Variants in PSME3IP1 observed in about 807,000 individuals in gnomAD.
The protein encoded by PSME3IP1 is PSME3-interacting protein.
In PSME3IP1, 13 loss-of-function variants were observed where a neutral mutation model predicts 34.1. That is an observed-to-expected ratio of 0.38 (90% CI 0.25 to 0.61). The LOEUF (loss-of-function observed/expected upper bound fraction) is 0.61. Among genes scored for constraint, PSME3IP1 ranks in the 20% least tolerant of loss-of-function variants. The probability of loss-of-function intolerance (pLI) is 0.60; values close to 1 mark genes in which losing one functional copy is unlikely to be tolerated. For synonymous variants in PSME3IP1, 93 were observed against 114.3 expected, an observed-to-expected ratio of 0.81 and a Z score of 1.19; for missense variants, 237 against 301.4, an observed-to-expected ratio of 0.79 and a Z score of 1.58.
intron 6 of PSME3IP1, among the ~76,000 whole-genome samples, chr16:57,163,176 A>G (rs1054092859): frequency 4.6e-5 from 7 of 152,158 alleles, no homozygotes; most frequent in Admixed American, 3.3e-4. Flanking sequence ...AAAAAAAGAA[A>G]AAAAAAAGTA....
At chr16:57,160,043 C>G (rs1031468574) in intron 6 of PSME3IP1, among the ~76,000 whole-genome samples, 2 of 152,140 alleles carry the variant, frequency 1.3e-5, no homozygotes, top group African/African-American at 2.4e-5. Context: ...GAAAAATATT[C>G]CCTTTGGGAG....
intron 6 of PSME3IP1, among the ~76,000 whole-genome samples, chr16:57,157,621 CT>C (rs113281367): frequency 7.8e-4 from 112 of 143,250 alleles, no homozygotes; most frequent in Non-Finnish European, 6.6e-4. Flanking sequence ...TCTTTTTTTT[CT>C]TTTTTTTTTT....
intron 3 of PSME3IP1, 35 bp from the exon 4 acceptor site, chr16:57,172,407 G>T (rs768100731): frequency 3.8e-6 from 6 of 1,592,642 alleles, no homozygotes; most frequent in Non-Finnish European, 5.1e-6. Flanking sequence ...CACTTAGCAG[G>T]CTAAAGGGAA....
In PSME3IP1 at chr16:57,154,237, T is replaced by C; in HGVS notation, c.*53A>G. ...AGGGACATAATGCCTATAGGCAGCA[T>C]GAACGGTCCGATCTACCCTTGGGGA... On this transcript the variant is annotated 3_prime_UTR_variant, in exon 7 of 7. Transcript: ENST00000309137. This position sits in a 1 kb window ranked among gnomAD's most constrained non-coding sequence, Gnocchi z 4.0. 8.5e-6 allele frequency: 13 copies of C among 1,530,920 alleles called. No homozygotes were observed. The highest frequency in any genetic ancestry group is 1.2e-5 in the Non-Finnish European group (13 of 1,106,734). 94.8% of individuals were successfully genotyped at this position (1,530,920 alleles called of 1,614,324 possible).
chr16:57,178,426 C>T, intron 1 of PSME3IP1: 2 of 442,248 alleles, frequency 4.5e-6, no homozygotes, highest in Non-Finnish European at 3.0e-6. Context: ...GTGACTGTTC[C>T]AACAGCTCTT....
At chr16:57,174,000 T>C (rs573139747) in intron 1 of PSME3IP1, 131 bp from the exon 2 acceptor site, 387 of 1,018,724 alleles carry the variant, frequency 3.8e-4, no homozygotes, top group Admixed American at 6.6e-4. Context: ...CAACTTTGAA[T>C]TGAAAAAATT....
chr16:57,153,422 C>T lies in PSME3IP1; in HGVS notation c.*868G>A, dbSNP rs2070151689. On this transcript the variant is annotated 3_prime_UTR_variant, in exon 7 of 7. Coordinates refer to ENST00000309137, the MANE Select transcript of PSME3IP1 (RefSeq NM_024946.4). The stretch of plus-strand genomic sequence containing the variant: ...TATGCAAGTGTGTCCCACTCATTTA[C>T]AATATTAGGATTCCAGGAGCTGCCA... The T allele has an allele frequency of 6.6e-6, 1 of 152,224 alleles. No homozygotes were observed. The highest frequency in any genetic ancestry group is 1.9e-4 in the East Asian group (1 of 5,196). 9.4% of individuals were successfully genotyped at this position (152,224 alleles called of 1,614,324 possible).
intron 6 of PSME3IP1, among the ~76,000 whole-genome samples, chr16:57,161,509 ATTTTTTTTTTTT>A: frequency 1.1e-5 from 1 of 93,702 alleles, no homozygotes; most frequent in African/African-American, 4.1e-5. Flanking sequence ...TAAGATCATA[ATTTTTTTTTTTT>A]TTTTTTTTGA....
intron 1 of PSME3IP1, chr16:57,174,070 T>C (rs1015668600): frequency 1.0e-4 from 49 of 487,370 alleles, no homozygotes; most frequent in Non-Finnish European, 1.5e-4. Context: ...CCGAGGCGCA[T>C]GGATCACGAG....
intron 5 of PSME3IP1, 49 bp downstream of exon 5, chr16:57,167,044 C>T: frequency 6.2e-7 from 1 of 1,605,312 alleles, no homozygotes. Context: ...AGTGGTGTTT[C>T]AGAGTACACG....
chr16:57,164,091 A>G (rs2071580006), intron 5 of PSME3IP1, 26 bp from the exon 6 acceptor site: 1 of 1,608,028 alleles, frequency 6.2e-7, no homozygotes, highest in Non-Finnish European at 8.5e-7. Context: ...TGGTGACTTG[A>G]GCCATGTCCA....
At position 57,162,737 on chromosome 16, in the gene PSME3IP1, A is replaced by C. The variant is rs182944780; in HGVS notation, c.547+1264T>G. On this transcript the variant is annotated intron_variant, in intron 6 of 6. Coordinates refer to ENST00000309137, the MANE Select transcript of PSME3IP1 (RefSeq NM_024946.4). ...ACCTTACAAAGAAAAAAAAAAAATCAGTGAAGCTTGGTAATGGGGGTTTAT... is the reference window on the plus strand; with the variant it reads ...ACCTTACAAAGAAAAAAAAAAAATCCGTGAAGCTTGGTAATGGGGGTTTAT... Among the ~76,000 whole-genome samples the C allele has an allele frequency of 3.1e-3, 477 of 151,908 alleles. 2 individuals carry two copies. The highest frequency in any genetic ancestry group is 0.011 in the African/African-American group (450 of 41,486).
In PSME3IP1 at chr16:57,172,818, T is replaced by C. The variant is rs1039747090; in HGVS notation, c.184A>G (p.Lys62Glu). Residue 62 changes from lysine (K) to glutamate (E), a missense_variant, in exon 3 of 7, where the codon AAG (lysine) becomes GAG (glutamate). Lys to Glu is a moderately conservative substitution (Grantham distance 56). Transcript: ENST00000309137. ...RSLYERLQEQ[K>E]DRKQQEYEEQ... ...TCGTACTCCTGCTGCTTCCTGTCCT[T>C]CTGTTCCTGTAGCCTTTCATATAGA... 6.2e-7 allele frequency: 1 copy of C among 1,613,952 alleles called. No individual in the cohort carries two copies. Among genetic ancestry groups the C allele is most frequent in the East Asian group, 2.2e-5 (1 of 44,884 alleles).
At chr16:57,159,747 T>G (rs193036646) in intron 6 of PSME3IP1, among the ~76,000 whole-genome samples, 15 of 152,092 alleles carry the variant, frequency 9.9e-5, no homozygotes, top group African/African-American at 3.4e-4. Flanking sequence ...CTGCCTGAGA[T>G]AGTTCAAAGA....
At position 57,154,318 on chromosome 16, in the gene PSME3IP1, C is replaced by G. The variant is rs1460017504; in HGVS notation, c.737G>C (p.Arg246Pro). The change falls in exon 7 of 7, where the codon CGA (arginine) becomes CCA (proline). Residue 246 changes from arginine to proline, a missense_variant. Coordinates refer to ENST00000309137, the MANE Select transcript of PSME3IP1 (RefSeq NM_024946.4). This position sits in a 1 kb window ranked among gnomAD's most constrained non-coding sequence, Gnocchi z 4.0. ...GGGGGCCTCGAGGAAGGTGTTGGTTCGGAAGATGGAGGAGACAATCTTTCC... is the reference window on the plus strand; with the variant it reads ...GGGGGCCTCGAGGAAGGTGTTGGTTGGGAAGATGGAGGAGACAATCTTTCC... ...ATGKIVSSIF[R>P]TNTFLEAP The G allele has an allele frequency of 6.2e-7, 1 of 1,613,996 alleles. No individual in the cohort carries two copies.
intron 1 of PSME3IP1, among the ~76,000 whole-genome samples, chr16:57,185,118 CTGA>C (rs1274341086): frequency 7.9e-5 from 12 of 152,192 alleles, no homozygotes; most frequent in African/African-American, 2.9e-4. Flanking sequence ...GGTCCCACTC[CTGA>C]ACTAACCAGT....
intron 5 of PSME3IP1, among the ~76,000 whole-genome samples, chr16:57,165,168 T>C (rs1281545785): frequency 6.6e-6 from 1 of 151,888 alleles, no homozygotes; most frequent in Non-Finnish European, 1.5e-5. Flanking sequence ...TATATATATA[T>C]ATATCATCAT....
Position 57,162,746 on chromosome 16 carries a change from T to C in PSME3IP1, c.547+1255A>G, listed in dbSNP as rs542406219. On this transcript the variant is annotated intron_variant, in intron 6 of 6. Transcript: ENST00000309137. ...AGAAAAAAAAAAAATCAGTGAAGCTTGGTAATGGGGGTTTATTATACTTAT... is the reference window on the plus strand; with the variant it reads ...AGAAAAAAAAAAAATCAGTGAAGCTCGGTAATGGGGGTTTATTATACTTAT... Among the ~76,000 whole-genome samples, 3 of 151,778 alleles carry C rather than the reference T, an allele frequency of 2.0e-5. No homozygotes were observed. The South Asian group carries it at 6.3e-4, about 32-fold the overall frequency.
intron 1 of PSME3IP1, chr16:57,185,444 C>A: frequency 1.1e-6 from 1 of 917,226 alleles, no homozygotes; most frequent in Non-Finnish European, 1.3e-6. Flanking sequence ...GGGATTCAAC[C>A]ATTTCCAACC....
Sources: gnomAD v4.1 joint callset for allele counts (sites outside exome capture counted in the v4.1 genomes callset) on GRCh38, gnomAD v4.1.1 for gene constraint, Gnocchi (gnomAD v3.1) non-coding constraint, MANE v1.5 for transcripts, NCBI Gene and HGNC (gene_info 2026-07-23, HGNC 2026-07-21) for gene names.